IGSF21: variants seen among roughly 807,000 people sequenced by gnomAD.
The protein encoded by IGSF21 is immunoglobin superfamily member 21.
Under a neutral mutation model 46.8 loss-of-function variants are expected in IGSF21, and 28 were observed. That is an observed-to-expected ratio of 0.60 (90% CI 0.44 to 0.82). The LOEUF (loss-of-function observed/expected upper bound fraction) is 0.82, where lower values mean the gene tolerates loss of function less well. Among genes scored for constraint, IGSF21 ranks in the 40% least tolerant of loss-of-function variants. IGSF21 has a pLI of 0.00. For synonymous variants in IGSF21, 284 were observed against 273.6 expected, an observed-to-expected ratio of 1.04 and a Z score of -0.38; for missense variants, 624 against 665.5, an observed-to-expected ratio of 0.94 and a Z score of 0.69.
At chr1:18,352,793 C>T (rs2085971240) in intron 4 of IGSF21, among the ~76,000 whole-genome samples, 1 of 152,206 alleles carries the variant, frequency 6.6e-6, no homozygotes, top group Admixed American at 6.5e-5. Flanking sequence ...AGCACAACAG[C>T]TGGCAGGGGA....
chr1:18,190,286 A>T (rs965174880), intron 1 of IGSF21, among the ~76,000 whole-genome samples: 3 of 152,178 alleles, frequency 2.0e-5, no homozygotes, highest in African/African-American at 7.2e-5. Flanking sequence ...AGCTGTCTTG[A>T]GAGTACCGCA....
At chr1:18,343,498 T>C (rs888218060) in intron 4 of IGSF21, among the ~76,000 whole-genome samples, 1 of 152,232 alleles carries the variant, frequency 6.6e-6, no homozygotes, top group African/African-American at 2.4e-5. Flanking sequence ...GCTTTTCGTG[T>C]CTATTTAAGG....
intron 1 of IGSF21, among the ~76,000 whole-genome samples, chr1:18,177,665 C>T (rs2124466091): frequency 6.6e-6 from 1 of 152,184 alleles, no homozygotes; most frequent in African/African-American, 2.4e-5. Flanking sequence ...GGGGAATGAT[C>T]AAATGTCTCA....
intron 4 of IGSF21, among the ~76,000 whole-genome samples, chr1:18,349,526 C>T (rs967874588): frequency 2.6e-5 from 4 of 152,184 alleles, no homozygotes; most frequent in Admixed American, 6.5e-5. Context: ...GCTATATAGG[C>T]AACAATGAGG....
At chr1:18,160,723 A>T (rs1411862856) in intron 1 of IGSF21, among the ~76,000 whole-genome samples, 1 of 152,166 alleles carries the variant, frequency 6.6e-6, no homozygotes, top group Non-Finnish European at 1.5e-5. Flanking sequence ...CAGCTTCCCC[A>T]TTCTGAACTT....
rs886088614 is a variant in IGSF21, at chr1:18,335,624, C to A, written c.424+614C>A. Among the ~76,000 whole-genome samples, 1 of 152,234 alleles carries A rather than the reference C, an allele frequency of 6.6e-6. No individual in the cohort carries two copies. Among genetic ancestry groups the A allele is most frequent in the South Asian group, 2.1e-4 (1 of 4,832 alleles). On this transcript the variant is annotated intron_variant, in intron 4 of 9. Coordinates refer to ENST00000251296, the MANE Select transcript of IGSF21 (RefSeq NM_032880.5). The surrounding 1 kb of genome is among the most constrained non-coding windows in gnomAD (Gnocchi z 4.8). ...AGAAGCCCCCACTGGCTCTAATGTT[C>A]TTGTCAGATACACACCTTTGGATTC...
At chr1:18,373,113 AT>A (rs1279618861) in intron 6 of IGSF21, among the ~76,000 whole-genome samples, 1 of 152,030 alleles carries the variant, frequency 6.6e-6, no homozygotes, top group African/African-American at 2.4e-5. Context: ...CTCCATTGTC[AT>A]TTTCAGAGTA....
In IGSF21 at chr1:18,287,900, G is replaced by A. The variant is rs1032149053; in HGVS notation, c.184-3966G>A. 3.3e-5 allele frequency among the ~76,000 whole-genome samples: 5 copies of A among 152,262 alleles called. No individual in the cohort carries two copies. The South Asian group carries it at 1.0e-3, about 32-fold the overall frequency. On this transcript the variant is annotated intron_variant, in intron 2 of 9. Coordinates refer to ENST00000251296, the MANE Select transcript of IGSF21 (RefSeq NM_032880.5). Reference sequence around the variant, plus strand: ...GAATTCCACATCCTCTGGCATTTTAGCAAGAGATGCTTTGCTCTCCAGCCC... The same window carrying A: ...GAATTCCACATCCTCTGGCATTTTAACAAGAGATGCTTTGCTCTCCAGCCC...
chr1:18,214,756 G>A (rs973532410), intron 1 of IGSF21, among the ~76,000 whole-genome samples: 3 of 152,102 alleles, frequency 2.0e-5, no homozygotes, highest in Non-Finnish European at 4.4e-5. Context: ...TGTTTTTTGA[G>A]ACGGAGTCTT....
intron 4 of IGSF21, among the ~76,000 whole-genome samples, chr1:18,356,926 G>A (rs1345801862): frequency 6.6e-6 from 1 of 151,944 alleles, no homozygotes; most frequent in East Asian, 1.9e-4. Context: ...ATAGGGGATG[G>A]AGATTGAGGA....
chr1:18,197,262 T>A (rs968438185), intron 1 of IGSF21, among the ~76,000 whole-genome samples: 1 of 152,124 alleles, frequency 6.6e-6, no homozygotes, highest in Non-Finnish European at 1.5e-5. Context: ...AGAAGCCTGG[T>A]GCTGAGAGGT....
chr1:18,254,569 C>T (rs1017099222), intron 2 of IGSF21, among the ~76,000 whole-genome samples: 1 of 152,160 alleles, frequency 6.6e-6, no homozygotes, highest in African/African-American at 2.4e-5. Context: ...CTCTTGTCAG[C>T]TGTCTTCATC....
At chr1:18,250,102 C>CCTCCCTCG (rs1256355255) in intron 2 of IGSF21, among the ~76,000 whole-genome samples, 44 of 68,722 alleles carry the variant, frequency 6.4e-4, no homozygotes, top group African/African-American at 2.2e-3. Context: ...TCCCTCGCTC[C>CCTCCCTCG]CTCCCTCCCT....
chr1:18,224,589 C>T (rs1201365216), intron 1 of IGSF21, among the ~76,000 whole-genome samples: 1 of 152,152 alleles, frequency 6.6e-6, no homozygotes, highest in Admixed American at 6.5e-5. Context: ...TCTATTGTTA[C>T]TGATATGTCC....
intron 6 of IGSF21, among the ~76,000 whole-genome samples, chr1:18,372,193 C>A (rs1017296815): frequency 2.0e-5 from 3 of 152,178 alleles, no homozygotes; most frequent in African/African-American, 4.8e-5. Flanking sequence ...TCTTAATAAA[C>A]AACTGTTTAA....
chr1:18,203,050 C>G (rs539890521), intron 1 of IGSF21, among the ~76,000 whole-genome samples: 3 of 152,142 alleles, frequency 2.0e-5, no homozygotes, highest in Non-Finnish European at 4.4e-5. Flanking sequence ...CTGGGTAACA[C>G]TGGGATTTGC....
chr1:18,243,041 G>A (rs772778256), intron 2 of IGSF21, among the ~76,000 whole-genome samples: 8 of 152,212 alleles, frequency 5.3e-5, no homozygotes, highest in Non-Finnish European at 8.8e-5. Context: ...GTCAGGAAGA[G>A]GGGAGGCAGG....
chr1:18,262,356 G>A (rs140976583), intron 2 of IGSF21, among the ~76,000 whole-genome samples: 2 of 152,182 alleles, frequency 1.3e-5, no homozygotes, highest in African/African-American at 4.8e-5. Context: ...ACGTGAGGAC[G>A]GATGGGATGA....
chr1:18,190,466 A>G (rs932199328), intron 1 of IGSF21, among the ~76,000 whole-genome samples: 4 of 151,964 alleles, frequency 2.6e-5, no homozygotes, highest in Admixed American at 2.6e-4. Flanking sequence ...GGCACACACT[A>G]AGTGTTCATA....
Sources: gnomAD v4.1 joint callset for allele counts (sites outside exome capture counted in the v4.1 genomes callset) on GRCh38, gnomAD v4.1.1 for gene constraint, Gnocchi (gnomAD v3.1) non-coding constraint, MANE v1.5 for transcripts, NCBI Gene and HGNC (gene_info 2026-07-23, HGNC 2026-07-21) for gene names.